Variants in TLCD4 observed in about 807,000 individuals in gnomAD.
TLCD4 encodes TLC domain-containing protein 4.
A neutral mutation model predicts 24.2 loss-of-function variants in TLCD4; 7 were observed. The observed-to-expected ratio is 0.29, with a 90% CI of 0.16 to 0.54. TLCD4 has a LOEUF of 0.54. Among genes scored for constraint, TLCD4 ranks in the 20% least tolerant of loss-of-function variants. The probability of loss-of-function intolerance (pLI) is 0.95; values close to 1 mark genes in which losing one functional copy is unlikely to be tolerated. For missense variants in TLCD4, 259 were observed against 313.9 expected, an observed-to-expected ratio of 0.82 and a Z score of 1.32; for synonymous variants, 103 against 106.4, an observed-to-expected ratio of 0.97 and a Z score of 0.20.
upstream of TLCD4, among the ~76,000 whole-genome samples, chr1:95,115,669 G>A (rs1676416041): frequency 1.3e-5 from 2 of 152,192 alleles, no homozygotes. Flanking sequence ...AATATAGTGG[G>A]ACATAGAGTA....
At chr1:95,184,558 A>G (rs1417502827) in intron 6 of TLCD4, among the ~76,000 whole-genome samples, 2 of 152,190 alleles carry the variant, frequency 1.3e-5, no homozygotes, top group African/African-American at 2.4e-5. Context: ...AATAATTGCT[A>G]AATGACCAAA....
intron 6 of TLCD4, among the ~76,000 whole-genome samples, chr1:95,185,912 A>T (rs529277870): frequency 2.0e-5 from 3 of 152,150 alleles, no homozygotes; most frequent in Admixed American, 1.3e-4. Flanking sequence ...AAGAAACCAG[A>T]TGCTCTGATG....
intron 6 of TLCD4, among the ~76,000 whole-genome samples, chr1:95,180,498 AT>A (rs965073575): frequency 6.6e-6 from 1 of 152,056 alleles, no homozygotes; most frequent in African/African-American, 2.4e-5. Context: ...AGTTTGAGAT[AT>A]TTTTATTTTC....
intron 1 of TLCD4, among the ~76,000 whole-genome samples, chr1:95,130,052 C>G (rs188045575): frequency 2.6e-4 from 40 of 152,318 alleles, no homozygotes; most frequent in African/African-American, 9.1e-4. Context: ...ACTATAACTG[C>G]AGTTAGCTGA....
chr1:95,109,633 G>A, the TLCD4 span, among the ~76,000 whole-genome samples: 6 of 151,522 alleles, frequency 4.0e-5, no homozygotes, highest in Non-Finnish European at 8.8e-5. Context: ...GACTACAGGC[G>A]TGTGCAACCA....
At chr1:95,128,697 A>C (rs955131021) in intron 1 of TLCD4, among the ~76,000 whole-genome samples, 1 of 152,196 alleles carries the variant, frequency 6.6e-6, no homozygotes, top group Non-Finnish European at 1.5e-5. Flanking sequence ...CTCCCGCAAA[A>C]CAAACTATAG....
chr1:95,134,348 C>G (rs1193550006), intron 1 of TLCD4, among the ~76,000 whole-genome samples: 1 of 152,086 alleles, frequency 6.6e-6, no homozygotes, highest in Admixed American at 6.6e-5. Context: ...AACTGAATGG[C>G]AGGACCCTAA....
chr1:95,104,673 A>AAAAAAAAAAAAAAAAAAAAAAAAAAAC, the TLCD4 span, among the ~76,000 whole-genome samples: 1 of 147,522 alleles, frequency 6.8e-6, no homozygotes. Flanking sequence ...CAAAAAAAAA[A>AAAAAAAAAAAAAAAAAAAAAAAAAAAC]AAAAAAAGCG....
the TLCD4 span, among the ~76,000 whole-genome samples, chr1:95,095,791 T>C: frequency 6.6e-6 from 1 of 152,234 alleles, no homozygotes; most frequent in Non-Finnish European, 1.5e-5. Flanking sequence ...GACTAAATGA[T>C]TAAGTCATGT....
intron 1 of TLCD4, among the ~76,000 whole-genome samples, chr1:95,124,451 G>A (rs986065291): frequency 1.3e-5 from 2 of 152,100 alleles, no homozygotes; most frequent in African/African-American, 4.8e-5. Flanking sequence ...TATTTGCAAT[G>A]GCCACATCCT....
chr1:95,132,453 A>T (rs34007549), intron 1 of TLCD4, among the ~76,000 whole-genome samples: 12,126 of 99,010 alleles, frequency 0.12, 577 homozygotes, highest in African/African-American at 0.15. Context: ...TGAGACTCCA[A>T]CTCAAAAAAA....
intron 5 of TLCD4, among the ~76,000 whole-genome samples, chr1:95,156,500 G>T (rs114524204): frequency 0.014 from 2,071 of 152,186 alleles, 69 homozygotes; most frequent in African/African-American, 0.048. Context: ...AGGATCTTTG[G>T]CCAGAAAATA....
At chr1:95,128,314 C>A in intron 1 of TLCD4, among the ~76,000 whole-genome samples, 1 of 151,516 alleles carries the variant, frequency 6.6e-6, no homozygotes. Flanking sequence ...AAAAACAAAC[C>A]CCAAGTAAAG....
chr1:95,121,201 A>G (rs1676559101), intron 1 of TLCD4: 1 of 152,252 alleles, frequency 6.6e-6, no homozygotes, highest in Non-Finnish European at 1.5e-5. Context: ...ACATTTCTTT[A>G]GAGCAGTAAG....
chr1:95,168,325 T>C (rs1016713707), intron 5 of TLCD4, among the ~76,000 whole-genome samples: 8 of 152,112 alleles, frequency 5.3e-5, no homozygotes, highest in Non-Finnish European at 1.0e-4. Flanking sequence ...TGCTTCTAGA[T>C]GTTTTACTTC....
intron 5 of TLCD4, among the ~76,000 whole-genome samples, chr1:95,158,510 TATTTA>T (rs1209888760): frequency 6.9e-6 from 1 of 145,808 alleles, no homozygotes; most frequent in Non-Finnish European, 1.5e-5. Flanking sequence ...TTTATTTATT[TATTTA>T]TTTTTTATTA....
chr1:95,181,611 T>A (rs149043261), intron 6 of TLCD4, among the ~76,000 whole-genome samples: 2 of 109,418 alleles, frequency 1.8e-5, no homozygotes, highest in African/African-American at 3.1e-5. Context: ...TTATTTTTTT[T>A]TTTGAGATGG....
At chr1:95,189,463 G>A (rs1276417027) in intron 6 of TLCD4, among the ~76,000 whole-genome samples, 1 of 152,122 alleles carries the variant, frequency 6.6e-6, no homozygotes, top group Non-Finnish European at 1.5e-5. Flanking sequence ...TGTGGGTTTT[G>A]ATAAGTGCAT....
chr1:95,096,431 A>T, the TLCD4 span, among the ~76,000 whole-genome samples: 1 of 152,130 alleles, frequency 6.6e-6, no homozygotes, highest in South Asian at 2.1e-4. Flanking sequence ...TCCCAGGGAG[A>T]CTGTTGCAGT....
Sources: allele counts gnomAD v4.1 joint callset (sites outside exome capture counted in the v4.1 genomes callset), GRCh38; gene constraint gnomAD v4.1.1; transcripts MANE v1.5; gene names NCBI Gene and HGNC (gene_info 2026-07-23, HGNC 2026-07-21).